The following CLEC6A variants were observed in gnomAD, a reference collection of about 807,000 sequenced individuals.
The protein encoded by CLEC6A is C-type lectin domain family 6 member A.
A neutral mutation model predicts 25.7 loss-of-function variants in CLEC6A; 22 were observed. The ratio of observed to expected loss-of-function variants is 0.85; its 90% CI spans 0.61 to 1.22. CLEC6A has a LOEUF of 1.22. Ranked by LOEUF, CLEC6A falls within the 50% of genes most tolerant of loss-of-function variation. The pLI is 0.00. For synonymous variants in CLEC6A, 92 were observed against 76.7 expected (o/e 1.20, Z -1.04); for missense variants, 240 against 236.8 (o/e 1.01, Z -0.09).
At chr12:8,465,811 T>G (rs1478349710) in intron 4 of CLEC6A, among the ~76,000 whole-genome samples, 182 bp downstream of exon 4, 1 of 152,240 alleles carries the variant, frequency 6.6e-6, no homozygotes, top group Non-Finnish European at 1.5e-5. Flanking sequence ...GAACAACAAC[T>G]ACCCATTTCC....
intron 4 of CLEC6A, among the ~76,000 whole-genome samples, chr12:8,466,662 G>GTTTT (rs59520151): frequency 6.8e-6 from 1 of 147,070 alleles, no homozygotes; most frequent in Non-Finnish European, 1.5e-5. Flanking sequence ...GTGTTGTTTT[G>GTTTT]TTTTTTTTTT....
rs753907607 is a variant in CLEC6A at position 8,470,763 on chromosome 12, G to C, written c.369+5134G>C. Among the ~76,000 whole-genome samples, 44 of 152,138 alleles carry C rather than the reference G, an allele frequency of 2.9e-4. No homozygotes were observed. The South Asian group carries it at 9.1e-3, about 32-fold the overall frequency. The stretch of plus-strand genomic sequence containing the variant: ...GAGTCAGGGGAAAGTGTGAGAAATG[G>C]GTGAGGGATAAAAGACTACACATTG... On this transcript the variant is annotated intron_variant, in intron 4 of 5. Transcript: ENST00000382073.
chr12:8,467,346 A>G (rs908523209), intron 4 of CLEC6A, among the ~76,000 whole-genome samples: 1 of 152,188 alleles, frequency 6.6e-6, no homozygotes, highest in African/African-American at 2.4e-5. Context: ...GGTCTTTAAA[A>G]CATTTTGAGT....
At chr12:8,461,361 G>T in intron 3 of CLEC6A, 1 of 407,016 alleles carries the variant, frequency 2.5e-6, no homozygotes, top group Non-Finnish European at 4.5e-6. Flanking sequence ...GTGGAACACT[G>T]TTTCAACAAC....
intron 3 of CLEC6A, among the ~76,000 whole-genome samples, chr12:8,462,126 G>C (rs1159700736): frequency 2.0e-5 from 3 of 152,146 alleles, no homozygotes; most frequent in East Asian, 3.9e-4. Context: ...ATTAAGGGCT[G>C]TGCAGGATGT....
chr12:8,475,135 T>G (rs1939955595), intron 4 of CLEC6A, among the ~76,000 whole-genome samples: 1 of 152,156 alleles, frequency 6.6e-6, no homozygotes, highest in Non-Finnish European at 1.5e-5. Context: ...ATGTGGTGTT[T>G]GATTTTCTGT....
At position 8,456,028 on chromosome 12, in the gene CLEC6A, A is replaced by G; in HGVS notation, c.-84A>G. On this transcript the variant is annotated 5_prime_UTR_variant, in exon 1 of 6. Coordinates refer to ENST00000382073, the MANE Select transcript of CLEC6A (RefSeq NM_001007033.2). ...TTGTCCCTGAGCTCTAGCTTCTTTA[A>G]ATGAAGCTGAGTCTCTGGGCAACAT... 1.5e-6 allele frequency: 2 copies of G among 1,359,666 alleles called. No homozygotes were observed. Among genetic ancestry groups the G allele is most frequent in the Admixed American group, 1.7e-5 (1 of 58,474 alleles). 84.2% of individuals were successfully genotyped at this position (1,359,666 alleles called of 1,614,324 possible).
At chr12:8,464,902 G>A (rs765401561) in intron 3 of CLEC6A, among the ~76,000 whole-genome samples, 2 of 152,116 alleles carry the variant, frequency 1.3e-5, no homozygotes, top group Non-Finnish European at 2.9e-5. Flanking sequence ...TCTATGTTAA[G>A]CACCTTTTAA....
chr12:8,472,611 T>TACC (rs1316273490), intron 4 of CLEC6A, among the ~76,000 whole-genome samples: 15 of 152,312 alleles, frequency 9.8e-5, no homozygotes, highest in African/African-American at 3.1e-4. Context: ...AGTGGTGCTG[T>TACC]AAACTTTTAA....
intron 3 of CLEC6A, among the ~76,000 whole-genome samples, chr12:8,465,227 C>G (rs1277460768): frequency 2.2e-5 from 3 of 136,688 alleles, no homozygotes; most frequent in Non-Finnish European, 4.6e-5. Context: ...ACATGAAAAA[C>G]AAAACTCAAT....
intron 3 of CLEC6A, 43 bp from the exon 4 acceptor site, chr12:8,465,441 T>C (rs774351139): frequency 1.9e-6 from 3 of 1,601,904 alleles, no homozygotes; most frequent in Admixed American, 3.4e-5. Context: ...CTCATTTATC[T>C]TATCTTGCAC....
At chr12:8,466,854 A>G (rs1939838187) in intron 4 of CLEC6A, among the ~76,000 whole-genome samples, 3 of 152,024 alleles carry the variant, frequency 2.0e-5, no homozygotes, top group African/African-American at 7.2e-5. Context: ...GGGTTTCACC[A>G]TCTTGGTCAG....
intron 1 of CLEC6A, among the ~76,000 whole-genome samples, chr12:8,457,534 A>G (rs1046063889): frequency 2.0e-5 from 3 of 152,232 alleles, no homozygotes; most frequent in Non-Finnish European, 4.4e-5. Flanking sequence ...TACAATAAAC[A>G]TGGGAGTGCA....
At chr12:8,465,773 C>A in intron 4 of CLEC6A, 144 bp downstream of exon 4, 3 of 624,360 alleles carry the variant, frequency 4.8e-6, no homozygotes, top group Non-Finnish European at 7.3e-6. Context: ...ACTTTTTCAT[C>A]TTGCAAAACT....
intron 4 of CLEC6A, among the ~76,000 whole-genome samples, 180 bp downstream of exon 4, chr12:8,465,809 A>G (rs1398346777): frequency 6.6e-6 from 1 of 152,136 alleles, no homozygotes; most frequent in Non-Finnish European, 1.5e-5. Flanking sequence ...TTGAACAACA[A>G]CTACCCATTT....
intron 1 of CLEC6A, among the ~76,000 whole-genome samples, chr12:8,457,523 C>G (rs4641551): frequency 0.75 from 114,398 of 152,134 alleles, 43,458 homozygotes; most frequent in East Asian, 0.99. Flanking sequence ...GTGAATAGTG[C>G]TACAATAAAC....
At position 8,477,369 on chromosome 12, in the gene CLEC6A, AT is replaced by A; in HGVS notation, c.536del (p.Ile179LysfsTer26). 6.2e-7 allele frequency: 1 copy of A among 1,612,632 alleles called. No individual in the cohort carries two copies. ...PNHSAEQCAS[I>X]VFWKPTGWGW... ...TCATTCTGCAGAGCAATGTGCTTCA[AT>A]AGTCTTCTGGAAACCTACAGGATGG... On this transcript the variant is annotated frameshift_variant, in exon 6 of 6. Coordinates refer to ENST00000382073, the MANE Select transcript of CLEC6A (RefSeq NM_001007033.2). LOFTEE classifies it low-confidence loss of function (END_TRUNC).
intron 4 of CLEC6A, among the ~76,000 whole-genome samples, chr12:8,474,179 T>C (rs780684225): frequency 6.6e-6 from 1 of 152,296 alleles, no homozygotes; most frequent in South Asian, 2.1e-4. Flanking sequence ...TTCCTAGGGT[T>C]TCTTCTAGGA....
chr12:8,465,092 T>C (rs1939812482), intron 3 of CLEC6A, among the ~76,000 whole-genome samples: 1 of 152,166 alleles, frequency 6.6e-6, no homozygotes, highest in Admixed American at 6.5e-5. Flanking sequence ...TGTGAATAGT[T>C]ACCATTTTGA....
Sources: gnomAD v4.1 joint callset for allele counts (sites outside exome capture counted in the v4.1 genomes callset) on GRCh38, gnomAD v4.1.1 for gene constraint, MANE v1.5 for transcripts, NCBI Gene and HGNC (gene_info 2026-07-23, HGNC 2026-07-21) for gene names.